RASGRF2: variants seen among roughly 807,000 people sequenced by gnomAD.
RASGRF2 encodes ras-specific guanine nucleotide-releasing factor 2.
Under a neutral mutation model 151.0 loss-of-function variants are expected in RASGRF2, and 76 were observed. That is an observed-to-expected ratio of 0.50 (90% CI 0.42 to 0.61). RASGRF2 has a LOEUF of 0.61. Ranked by LOEUF, RASGRF2 falls within the 20% of genes least tolerant of loss-of-function variation. The pLI is 0.00. For synonymous variants in RASGRF2, 504 were observed against 566.5 expected (o/e 0.89, Z 1.57); for missense variants, 1,148 against 1,564.6 (o/e 0.73, Z 4.49).
intron 1 of RASGRF2, among the ~76,000 whole-genome samples, chr5:80,970,393 G>A (rs759752535): frequency 2.5e-4 from 38 of 152,320 alleles, no homozygotes; most frequent in Non-Finnish European, 4.4e-4. Context: ...TCACCTCTGA[G>A]TGTTGAGGGG....
Position 81,226,059 on chromosome 5 carries a change from C to T in RASGRF2, c.*289C>T, listed in dbSNP as rs953999359. The T allele has an allele frequency of 3.6e-5, 10 of 274,218 alleles. No individual in the cohort carries two copies. The highest frequency in any genetic ancestry group is 3.1e-4 in the East Asian group (4 of 12,834). 17.0% of individuals were successfully genotyped at this position (274,218 alleles called of 1,614,324 possible). A position where few individuals can be genotyped will look rare whatever the true frequency, so the allele number is the denominator to read the frequency against. ...GATGCTAGTTGCCATTTTAACAAAG[C>T]AGGTAAATCGGTAAATTTTAAACTC... On this transcript the variant is annotated 3_prime_UTR_variant, in exon 27 of 27. Transcript: ENST00000265080.
chr5:81,026,032 T>G (rs1750013282), intron 1 of RASGRF2, among the ~76,000 whole-genome samples: 1 of 68,738 alleles, frequency 1.5e-5, no homozygotes. Context: ...CCTTCCATCC[T>G]TCCCTCCTTC....
chr5:81,005,527 G>C (rs1749240827), intron 1 of RASGRF2, among the ~76,000 whole-genome samples: 1 of 152,120 alleles, frequency 6.6e-6, no homozygotes, highest in South Asian at 2.1e-4. Context: ...AACCATATCA[G>C]TCAGTGTTTT....
At chr5:81,064,840 T>C (rs2112445599) in intron 2 of RASGRF2, among the ~76,000 whole-genome samples, 1 of 152,312 alleles carries the variant, frequency 6.6e-6, no homozygotes, top group South Asian at 2.1e-4. Context: ...AGTGACGTCC[T>C]TGATTAGGTT....
At chr5:81,151,696 G>C (rs1345936288) in intron 17 of RASGRF2, among the ~76,000 whole-genome samples, 1 of 152,126 alleles carries the variant, frequency 6.6e-6, no homozygotes, top group Non-Finnish European at 1.5e-5. Context: ...GACTTCCTCT[G>C]ACACTGCTCC....
At chr5:80,985,673 C>T (rs1028773641) in intron 1 of RASGRF2, among the ~76,000 whole-genome samples, 4 of 152,140 alleles carry the variant, frequency 2.6e-5, no homozygotes, top group East Asian at 3.8e-4. Context: ...CAATTGTGAT[C>T]GCCAGTGACT....
rs1183883056 is a variant in RASGRF2, at chr5:81,228,406, A to G, written c.*2636A>G. The G allele has an allele frequency of 6.6e-6, 1 of 152,178 alleles. No individual in the cohort carries two copies. Among genetic ancestry groups the G allele is most frequent in the Non-Finnish European group, 1.5e-5 (1 of 68,032 alleles). 9.4% of individuals were successfully genotyped at this position (152,178 alleles called of 1,614,324 possible). A position where few individuals can be genotyped will look rare whatever the true frequency, so the allele number is the denominator to read the frequency against. On this transcript the variant is annotated 3_prime_UTR_variant, in exon 27 of 27. Coordinates refer to ENST00000265080, the MANE Select transcript of RASGRF2 (RefSeq NM_006909.3). ...CAATTTGGTCAAATTAAAAATCCCC[A>G]AGAGCAATTTGCAGTGTTTTTTCTG...
At position 81,150,269 on chromosome 5, in the gene RASGRF2, G is replaced by A. The variant is rs536377903; in HGVS notation, c.2686+23106G>A. Among the ~76,000 whole-genome samples the A allele has an allele frequency of 8.5e-5, 13 of 152,272 alleles. No individual in the cohort carries two copies. In the East Asian group the frequency reaches 2.5e-3, roughly 29 times the overall value. On this transcript the variant is annotated intron_variant, in intron 17 of 26. Coordinates refer to ENST00000265080, the MANE Select transcript of RASGRF2 (RefSeq NM_006909.3). ...GCACCTGAGTTCTGCCGTTTATTTAGCTGTGTGACCTGGGGCAGCCTCTTT... is the reference window on the plus strand; with the variant it reads ...GCACCTGAGTTCTGCCGTTTATTTAACTGTGTGACCTGGGGCAGCCTCTTT...
In RASGRF2 at chr5:81,080,622, A is replaced by G. The variant is rs768261994; in HGVS notation, c.994A>G (p.Met332Val). The change falls in exon 7 of 27, where the codon ATG becomes GTG. Residue 332 changes from methionine to valine, a missense_variant. By Grantham distance (21) the Met-to-Val change is conservative. Around this residue, in one of 5 missense-constraint regions of RASGRF2, gnomAD observed 176 missense variants for 309.6 expected, o/e 0.57. Transcript: ENST00000265080. ...LADLFDILLP[M>V]LNIYQEFVRN... Reference sequence around the variant, plus strand: ...TGATCTGTTTGATATTTTGCTCCCCATGCTGAACATTTATCAAGAATTTGT... The same window carrying G: ...TGATCTGTTTGATATTTTGCTCCCCGTGCTGAACATTTATCAAGAATTTGT... The G allele has an allele frequency of 7.8e-5, 126 of 1,614,038 alleles. No individual in the cohort carries two copies. Among genetic ancestry groups the G allele is most frequent in the Non-Finnish European group, 1.1e-4 (125 of 1,179,944 alleles).
intron 18 of RASGRF2, among the ~76,000 whole-genome samples, chr5:81,190,622 T>C (rs1755136096): frequency 6.6e-6 from 1 of 152,252 alleles, no homozygotes; most frequent in Non-Finnish European, 1.5e-5. Flanking sequence ...AGATTTTTAT[T>C]CTTTTTCTCT....
intron 17 of RASGRF2, among the ~76,000 whole-genome samples, chr5:81,147,684 T>C (rs1013305345): frequency 6.6e-6 from 1 of 152,258 alleles, no homozygotes; most frequent in African/African-American, 2.4e-5. Flanking sequence ...GTAAAGGCTC[T>C]ATGTTTAATT....
chr5:81,136,081 C>T (rs758884983), intron 17 of RASGRF2, among the ~76,000 whole-genome samples: 5 of 152,180 alleles, frequency 3.3e-5, no homozygotes, highest in African/African-American at 4.8e-5. Flanking sequence ...GGCGCAATCT[C>T]GGCTCACTGC....
chr5:81,075,277 G>T (rs1259551703), intron 5 of RASGRF2, among the ~76,000 whole-genome samples: 2 of 152,200 alleles, frequency 1.3e-5, no homozygotes, highest in Admixed American at 6.5e-5. Flanking sequence ...AACAGTTGTG[G>T]ATAAAGCAAG....
intron 1 of RASGRF2, among the ~76,000 whole-genome samples, chr5:80,973,679 C>G (rs183477395): frequency 2.0e-4 from 31 of 152,308 alleles, no homozygotes; most frequent in Non-Finnish European, 3.8e-4. Flanking sequence ...CAAAACAGGT[C>G]TCTATGATAC....
intron 1 of RASGRF2, among the ~76,000 whole-genome samples, chr5:81,034,088 A>G (rs1750375398): frequency 6.6e-6 from 1 of 152,200 alleles, no homozygotes; most frequent in African/African-American, 2.4e-5. Flanking sequence ...GCAAATCAAA[A>G]CCACAATGAG....
chr5:80,974,699 A>G (rs1262498929), intron 1 of RASGRF2, among the ~76,000 whole-genome samples: 1 of 152,302 alleles, frequency 6.6e-6, no homozygotes, highest in East Asian at 1.9e-4. Context: ...ATCTGACTTC[A>G]TCTATCTTCA....
At chr5:81,189,538 T>TG (rs942694093) in intron 18 of RASGRF2, among the ~76,000 whole-genome samples, 10 of 151,386 alleles carry the variant, frequency 6.6e-5, no homozygotes, top group Non-Finnish European at 1.3e-4. Context: ...TCACCCAGGC[T>TG]GGGGGGCAGT....
intron 19 of RASGRF2, among the ~76,000 whole-genome samples, chr5:81,203,171 C>T (rs944039639): frequency 5.3e-5 from 8 of 152,192 alleles, no homozygotes; most frequent in African/African-American, 1.9e-4. Flanking sequence ...TGAGTGATTA[C>T]TGTTTCTTTT....
At chr5:81,100,996 C>G (rs1296718477) in intron 12 of RASGRF2, among the ~76,000 whole-genome samples, 1 of 152,186 alleles carries the variant, frequency 6.6e-6, no homozygotes, top group African/African-American at 2.4e-5. Context: ...ACTCGCAACA[C>G]TTGTCCAAAG....
Sources: gnomAD v4.1 joint callset for allele counts (sites outside exome capture counted in the v4.1 genomes callset) on GRCh38, gnomAD v4.1.1 for gene constraint, gnomAD v4.1.1 regional missense constraint, MANE v1.5 for transcripts, NCBI Gene and HGNC (gene_info 2026-07-23, HGNC 2026-07-21) for gene names.